The following PHF21A variants were observed in gnomAD, a reference collection of about 807,000 sequenced individuals.
The protein encoded by PHF21A is BHC80a.
PHF21A carries 11 observed loss-of-function variants against 82.5 expected under a neutral mutation model. The observed-to-expected ratio is 0.13, with a 90% CI of 0.08 to 0.22. The LOEUF (loss-of-function observed/expected upper bound fraction) is 0.22, where lower values mean the gene tolerates loss of function less well. PHF21A is among the 10% of genes least tolerant of loss of function. The probability of loss-of-function intolerance (pLI) is 1.00; values close to 1 mark genes in which losing one functional copy is unlikely to be tolerated. For missense variants in PHF21A, 579 were observed against 837.8 expected (o/e 0.69, Z 3.81); for synonymous variants, 297 against 302.8 (o/e 0.98, Z 0.20).
chr11:46,111,707 T>C (rs930838639), intron 1 of PHF21A, among the ~76,000 whole-genome samples: 3 of 152,092 alleles, frequency 2.0e-5, no homozygotes, highest in Non-Finnish European at 4.4e-5. Context: ...CCCTTTCCCT[T>C]CTCAAACAGC....
chr11:46,102,048 G>A (rs1351816596), intron 1 of PHF21A, among the ~76,000 whole-genome samples: 1 of 152,018 alleles, frequency 6.6e-6, no homozygotes, highest in African/African-American at 2.4e-5. Context: ...AGTAGAGACA[G>A]GGTTTCATCA....
chr11:45,980,998 T>C (rs992983970), intron 6 of PHF21A, among the ~76,000 whole-genome samples: 14 of 152,156 alleles, frequency 9.2e-5, no homozygotes, highest in Non-Finnish European at 2.9e-5. Context: ...GAAATGTGTT[T>C]CTGGATACCT....
chr11:46,042,465 G>A (rs1315075157), intron 6 of PHF21A, among the ~76,000 whole-genome samples: 1 of 152,024 alleles, frequency 6.6e-6, no homozygotes, highest in African/African-American at 2.4e-5. Context: ...TTATAAGACT[G>A]GACTAAAATC....
At chr11:46,105,660 AT>A (rs1248647204) in intron 1 of PHF21A, among the ~76,000 whole-genome samples, 2 of 152,226 alleles carry the variant, frequency 1.3e-5, no homozygotes, top group African/African-American at 2.4e-5. Context: ...CTACTTAAAA[AT>A]CATAACAAAT....
At chr11:45,962,640 C>G (rs1292775456) in intron 10 of PHF21A, among the ~76,000 whole-genome samples, 1 of 136,438 alleles carries the variant, frequency 7.3e-6, no homozygotes, top group Admixed American at 7.8e-5. Context: ...GCCTGTAATC[C>G]CAGCACTTTG....
chr11:45,978,660 T>G (rs1413896084), intron 7 of PHF21A, among the ~76,000 whole-genome samples: 1 of 152,128 alleles, frequency 6.6e-6, no homozygotes. Context: ...CAAAAATGAG[T>G]GTATTAAGTG....
intron 14 of PHF21A, among the ~76,000 whole-genome samples, chr11:45,948,275 A>G (rs961779173): frequency 5.3e-5 from 8 of 152,180 alleles, no homozygotes; most frequent in African/African-American, 1.9e-4. Context: ...TCTGCCTAAG[A>G]GTAAGATTCT....
chr11:46,054,035 G>A (rs528084200), intron 6 of PHF21A, among the ~76,000 whole-genome samples: 3 of 152,134 alleles, frequency 2.0e-5, no homozygotes, highest in South Asian at 2.1e-4. Flanking sequence ...CACAAGCAAC[G>A]TCGTGGCAGT....
chr11:46,082,312 C>T (rs970228553), intron 4 of PHF21A, among the ~76,000 whole-genome samples: 3 of 152,204 alleles, frequency 2.0e-5, no homozygotes, highest in Non-Finnish European at 2.9e-5. Context: ...CCCACTATTT[C>T]GTCAAATGTA....
intron 4 of PHF21A, chr11:46,083,461 A>G (rs2096818468): frequency 6.6e-6 from 1 of 152,244 alleles, no homozygotes; most frequent in South Asian, 2.1e-4. Flanking sequence ...ATCTTTAGAA[A>G]GTAGTTTTAC....
intron 6 of PHF21A, among the ~76,000 whole-genome samples, chr11:46,002,275 T>C (rs2095156963): frequency 6.6e-6 from 1 of 152,204 alleles, no homozygotes; most frequent in Non-Finnish European, 1.5e-5. Flanking sequence ...TTTGGGCAAC[T>C]TTTTCTTTTG....
At chr11:45,988,385 A>G (rs561270411) in intron 6 of PHF21A, among the ~76,000 whole-genome samples, 1 of 152,384 alleles carries the variant, frequency 6.6e-6, no homozygotes, top group African/African-American at 2.4e-5. Flanking sequence ...CAGGCAGTAT[A>G]TATCATGTAG....
In PHF21A at chr11:46,042,312, A is replaced by AT. The variant is rs1270190592; in HGVS notation, c.153+34441dup. Among the ~76,000 whole-genome samples, 41 of 152,266 alleles carry AT rather than the reference A, an allele frequency of 2.7e-4. 1 individual carries two copies. Among genetic ancestry groups the AT allele is most frequent in the Admixed American group, 2.7e-3 (41 of 15,288 alleles). On this transcript the variant is annotated intron_variant, in intron 6 of 18. Transcript: ENST00000676320. ...AAGATTGCTGGACAGGTATTTGGCC[A>AT]TTTTAAACTGGGAGCTAGAATTTGA... is the stretch of plus-strand genomic sequence containing the variant.
At chr11:46,095,914 A>T (rs2135565665) in intron 1 of PHF21A, among the ~76,000 whole-genome samples, 1 of 152,288 alleles carries the variant, frequency 6.6e-6, no homozygotes, top group South Asian at 2.1e-4. Context: ...GACACTTTAA[A>T]ATGTCACCTT....
intron 15 of PHF21A, among the ~76,000 whole-genome samples, chr11:45,941,242 G>A (rs1489978202): frequency 6.6e-6 from 1 of 152,144 alleles, no homozygotes; most frequent in Non-Finnish European, 1.5e-5. Flanking sequence ...GGGACTACAA[G>A]TGCGTACCAC....
chr11:46,098,962 T>C (rs2097047947), intron 1 of PHF21A, among the ~76,000 whole-genome samples: 1 of 152,156 alleles, frequency 6.6e-6, no homozygotes, highest in Non-Finnish European at 1.5e-5. Context: ...CAAATTCCTA[T>C]GTCTCTAAAG....
intron 1 of PHF21A, among the ~76,000 whole-genome samples, chr11:46,105,184 C>T (rs2097139987): frequency 6.6e-6 from 1 of 152,132 alleles, no homozygotes; most frequent in Non-Finnish European, 1.5e-5. Flanking sequence ...AGGATCTGGG[C>T]CCATGCAAAG....
intron 6 of PHF21A, among the ~76,000 whole-genome samples, chr11:46,049,726 T>C (rs914005498): frequency 3.3e-5 from 5 of 152,208 alleles, no homozygotes; most frequent in African/African-American, 1.2e-4. Flanking sequence ...ACGTTCCATA[T>C]TGTAAACTAT....
chr11:45,965,491 T>G lies in PHF21A; in HGVS notation c.820A>C (p.Thr274Pro). ...PVMLTKFTPT[T>P]LPTSQNSIHP... ...ATGGAATTCTGGGATGTGGGAAGGG[T>G]TGTGGGGGTGAACTTGGTCAGCATG... The change falls in exon 10 of 19, where the codon ACC (threonine) becomes CCC (proline). Residue 274 changes from threonine to proline, a missense_variant. This residue lies in a region of PHF21A where 410 missense variants were observed against 642.1 expected (regional missense o/e 0.64). Transcript: ENST00000676320. 1 of 1,613,082 alleles carries G rather than the reference T, an allele frequency of 6.2e-7. No homozygotes were observed. The highest frequency in any genetic ancestry group is 8.5e-7 in the Non-Finnish European group (1 of 1,179,672).
Sources: gnomAD v4.1 joint callset for allele counts (sites outside exome capture counted in the v4.1 genomes callset) on GRCh38, gnomAD v4.1.1 for gene constraint, gnomAD v4.1.1 regional missense constraint, MANE v1.5 for transcripts, NCBI Gene and HGNC (gene_info 2026-07-23, HGNC 2026-07-21) for gene names.